KCNQ3: variants seen among roughly 807,000 people sequenced by gnomAD.
KCNQ3 encodes the protein potassium voltage-gated channel subfamily Q member 3.
KCNQ3 carries 30 observed loss-of-function variants against 92.5 expected under a neutral mutation model. The observed-to-expected ratio is 0.32, with a 90% CI of 0.24 to 0.44. The LOEUF is 0.44. Ranked by LOEUF, KCNQ3 falls within the 20% of genes least tolerant of loss-of-function variation. KCNQ3 has a pLI of 1.00. For missense variants in KCNQ3, 913 were observed against 1,140.3 expected (o/e 0.80, Z 2.87); for synonymous variants, 450 against 468.8 (o/e 0.96, Z 0.52).
chr8:132,180,365 G>C (rs1466238659), intron 3 of KCNQ3, 36 bp from the exon 4 acceptor site: 2 of 1,610,556 alleles, frequency 1.2e-6, no homozygotes, highest in South Asian at 1.1e-5. Context: ...GAGGGAAGAG[G>C]GAAAGGAAGG....
At chr8:132,182,915 C>T (rs1034800589) in intron 3 of KCNQ3, among the ~76,000 whole-genome samples, 1 of 151,194 alleles carries the variant, frequency 6.6e-6, no homozygotes, top group Non-Finnish European at 1.5e-5. Context: ...CACACACACT[C>T]ACATACCTTC....
chr8:132,131,916 C>T (rs1824892654), intron 14 of KCNQ3, among the ~76,000 whole-genome samples: 1 of 151,946 alleles, frequency 6.6e-6, no homozygotes, highest in South Asian at 2.1e-4. Flanking sequence ...GGTGAAACCC[C>T]ATCTCTACTA....
chr8:132,223,536 G>A (rs765662991), intron 1 of KCNQ3, among the ~76,000 whole-genome samples: 3 of 152,220 alleles, frequency 2.0e-5, no homozygotes, highest in African/African-American at 7.2e-5. Context: ...AGGAGTTACA[G>A]TTCATGGATC....
intron 1 of KCNQ3, among the ~76,000 whole-genome samples, chr8:132,272,875 C>G (rs1335088793): frequency 6.6e-6 from 1 of 152,184 alleles, no homozygotes; most frequent in African/African-American, 2.4e-5. Flanking sequence ...CCTCACATTT[C>G]AAAACCAATC....
chr8:132,237,574 G>A (rs1347463407), intron 1 of KCNQ3, among the ~76,000 whole-genome samples: 3 of 152,144 alleles, frequency 2.0e-5, no homozygotes, highest in African/African-American at 7.2e-5. Flanking sequence ...CCCAGGCTTG[G>A]CAACAGGCAA....
At chr8:132,141,540 A>G (rs1825297746) in intron 9 of KCNQ3, among the ~76,000 whole-genome samples, 1 of 152,200 alleles carries the variant, frequency 6.6e-6, no homozygotes. Flanking sequence ...TACCCTGGGC[A>G]AGACTTCTCT....
chr8:132,397,128 A>G (rs991320481), intron 1 of KCNQ3, among the ~76,000 whole-genome samples: 6 of 152,166 alleles, frequency 3.9e-5, no homozygotes, highest in Admixed American at 1.3e-4. Flanking sequence ...CAGTTGGTCT[A>G]GTTGGGTGGT....
At chr8:132,459,570 A>C (rs1822016355) in intron 1 of KCNQ3, among the ~76,000 whole-genome samples, 1 of 152,182 alleles carries the variant, frequency 6.6e-6, no homozygotes, top group Non-Finnish European at 1.5e-5. Flanking sequence ...TTAATTATTC[A>C]TGAGGGATCT....
At chr8:132,433,468 A>T (rs746035531) in intron 1 of KCNQ3, among the ~76,000 whole-genome samples, 1 of 152,248 alleles carries the variant, frequency 6.6e-6, no homozygotes, top group African/African-American at 2.4e-5. Flanking sequence ...GAAAATCGCC[A>T]TGGAGAAATC....
intron 1 of KCNQ3, among the ~76,000 whole-genome samples, chr8:132,383,143 T>C (rs2130757998): frequency 6.6e-6 from 1 of 152,276 alleles, no homozygotes; most frequent in South Asian, 2.1e-4. Context: ...TTGCCTGCTT[T>C]CCCCATGAAT....
At chr8:132,186,202 G>A in intron 1 of KCNQ3, 21 bp from the exon 2 acceptor site, 2 of 1,568,614 alleles carry the variant, frequency 1.3e-6, no homozygotes, top group Non-Finnish European at 1.8e-6. Context: ...AGAAAGAAAT[G>A]GACTAAGGAA....
chr8:132,213,713 A>G (rs1813938704), intron 1 of KCNQ3, among the ~76,000 whole-genome samples: 1 of 152,188 alleles, frequency 6.6e-6, no homozygotes, highest in Non-Finnish European at 1.5e-5. Flanking sequence ...CCATCACTTT[A>G]GTAAGGTATT....
chr8:132,229,425 G>C (rs976526646), intron 1 of KCNQ3, among the ~76,000 whole-genome samples: 1 of 152,114 alleles, frequency 6.6e-6, no homozygotes, highest in Non-Finnish European at 1.5e-5. Context: ...AAGTCAACTT[G>C]ACTTCACAAC....
At chr8:132,304,200 A>G (rs1418363871) in intron 1 of KCNQ3, among the ~76,000 whole-genome samples, 1 of 152,202 alleles carries the variant, frequency 6.6e-6, no homozygotes, top group Admixed American at 6.5e-5. Flanking sequence ...ATTGGGTACG[A>G]TGTACACTAT....
At chr8:132,345,123 G>T (rs1443738792) in intron 1 of KCNQ3, among the ~76,000 whole-genome samples, 1 of 152,078 alleles carries the variant, frequency 6.6e-6, no homozygotes, top group East Asian at 1.9e-4. Context: ...GGGCCCTCAG[G>T]ACACTAGAAT....
At chr8:132,249,612 C>T (rs1015719571) in intron 1 of KCNQ3, among the ~76,000 whole-genome samples, 20 of 152,194 alleles carry the variant, frequency 1.3e-4, no homozygotes, top group East Asian at 3.9e-4. Flanking sequence ...GATCCTGCAC[C>T]GGGGCCACAG....
chr8:132,202,008 T>A (rs1321645265), intron 1 of KCNQ3, among the ~76,000 whole-genome samples: 1 of 152,218 alleles, frequency 6.6e-6, no homozygotes, highest in African/African-American at 2.4e-5. Flanking sequence ...TGGTACGTTA[T>A]CATGTATTTC....
chr8:132,182,410 A>G (rs1191155609), intron 3 of KCNQ3, among the ~76,000 whole-genome samples: 1 of 152,202 alleles, frequency 6.6e-6, no homozygotes, highest in Non-Finnish European at 1.5e-5. Context: ...ATAGGGCCAC[A>G]TTGTGGAAGA....
At position 132,125,057 on chromosome 8, in the gene KCNQ3, A is replaced by G. The variant is rs1366069408; in HGVS notation, c.*4205T>C. On this transcript the variant is annotated 3_prime_UTR_variant, in exon 15 of 15. Coordinates refer to ENST00000388996, the MANE Select transcript of KCNQ3 (RefSeq NM_004519.4). ...AAGCTTCTCTTGGTCAACATAATGA[A>G]ATGAAAGTAACTCAGCTCCTTGACT... The G allele has an allele frequency of 6.6e-6, 1 of 152,164 alleles. No homozygotes were observed. Among genetic ancestry groups the G allele is most frequent in the African/African-American group, 2.4e-5 (1 of 41,432 alleles). The allele number at this position is 152,164 out of a possible 1,614,324, so 9.4% of individuals were successfully genotyped here.
Sources: gnomAD v4.1 joint callset for allele counts (sites outside exome capture counted in the v4.1 genomes callset) on GRCh38, gnomAD v4.1.1 for gene constraint, MANE v1.5 for transcripts, NCBI Gene and HGNC (gene_info 2026-07-23, HGNC 2026-07-21) for gene names.